The following FAF1 variants were observed in gnomAD, a reference collection of about 807,000 sequenced individuals.
FAF1 encodes FAS-associated factor 1.
In FAF1, 25 loss-of-function variants were observed where a neutral mutation model predicts 92.5. The ratio of observed to expected loss-of-function variants is 0.27; its 90% CI spans 0.20 to 0.38. The LOEUF (loss-of-function observed/expected upper bound fraction) is 0.38, where lower values mean the gene tolerates loss of function less well. Among genes scored for constraint, FAF1 ranks in the 10% least tolerant of loss-of-function variants. The pLI, the probability that FAF1 is intolerant of heterozygous loss-of-function variation, is 1.00. For synonymous variants in FAF1, 234 were observed against 273.2 expected (o/e 0.86, Z 1.42); for missense variants, 636 against 793.3 (o/e 0.80, Z 2.38).
intron 13 of FAF1, among the ~76,000 whole-genome samples, chr1:50,554,633 C>T (rs1649482799): frequency 6.6e-6 from 1 of 152,030 alleles, no homozygotes; most frequent in African/African-American, 2.4e-5. Flanking sequence ...CCACTAAAAT[C>T]ACTCTGATCA....
At chr1:50,954,244 A>G (rs1434895355) in intron 1 of FAF1, among the ~76,000 whole-genome samples, 1 of 152,206 alleles carries the variant, frequency 6.6e-6, no homozygotes, top group Non-Finnish European at 1.5e-5. Context: ...CTTTTCTAGC[A>G]AGGCAGATAA....
chr1:50,638,401 T>C (rs909080379), intron 8 of FAF1, among the ~76,000 whole-genome samples: 1 of 152,008 alleles, frequency 6.6e-6, no homozygotes, highest in South Asian at 2.1e-4. Flanking sequence ...GTGAAAGTAT[T>C]CCCCCATTAA....
chr1:50,513,499 A>C (rs1488613785), intron 15 of FAF1, among the ~76,000 whole-genome samples: 1 of 152,188 alleles, frequency 6.6e-6, no homozygotes, highest in East Asian at 1.9e-4. Context: ...TCAAAAAAAA[A>C]GAATTCCCTA....
intron 7 of FAF1, among the ~76,000 whole-genome samples, chr1:50,664,304 G>A (rs1655524384): frequency 1.3e-5 from 2 of 150,966 alleles, no homozygotes; most frequent in South Asian, 4.2e-4. Flanking sequence ...CCAATCTTTA[G>A]TTTTTCTGTC....
intron 13 of FAF1, among the ~76,000 whole-genome samples, chr1:50,544,200 A>C (rs900888100): frequency 2.6e-5 from 4 of 152,192 alleles, no homozygotes; most frequent in African/African-American, 9.6e-5. Context: ...GGGGATGCTC[A>C]AACCATAGCA....
intron 5 of FAF1, among the ~76,000 whole-genome samples, chr1:50,741,269 A>C (rs745428664): frequency 2.0e-5 from 3 of 152,258 alleles, no homozygotes; most frequent in Non-Finnish European, 4.4e-5. Context: ...AGGCAGTTGA[A>C]TAGCATCTGT....
intron 8 of FAF1, among the ~76,000 whole-genome samples, chr1:50,619,101 A>G (rs1476201660): frequency 6.6e-6 from 1 of 152,130 alleles, no homozygotes; most frequent in African/African-American, 2.4e-5. Context: ...ATCTTTCTCC[A>G]TCCCTTTACT....
chr1:50,872,665 G>A (rs1473061390), intron 1 of FAF1, among the ~76,000 whole-genome samples: 3 of 152,164 alleles, frequency 2.0e-5, no homozygotes, highest in Non-Finnish European at 4.4e-5. Flanking sequence ...GGGAGGCCGA[G>A]GCAGGCAGAA....
intron 7 of FAF1, among the ~76,000 whole-genome samples, chr1:50,678,979 C>A (rs866766552): frequency 9.2e-5 from 14 of 151,494 alleles, no homozygotes; most frequent in African/African-American, 3.4e-4. Flanking sequence ...CCCAGCTACT[C>A]GGGAGGCTGA....
At chr1:50,442,228 A>T (rs1350226788) in intron 18 of FAF1, among the ~76,000 whole-genome samples, 5 of 152,168 alleles carry the variant, frequency 3.3e-5, no homozygotes, top group Admixed American at 6.5e-5. Context: ...TGGGACATGA[A>T]GGTCTTCTGA....
At chr1:50,600,817 C>G (rs1652082313) in intron 8 of FAF1, among the ~76,000 whole-genome samples, 2 of 152,220 alleles carry the variant, frequency 1.3e-5, no homozygotes, top group South Asian at 4.1e-4. Context: ...TGTCACTTTA[C>G]TTACTGAATT....
At chr1:50,571,448 A>G (rs1032125787) in intron 12 of FAF1, among the ~76,000 whole-genome samples, 1 of 152,206 alleles carries the variant, frequency 6.6e-6, no homozygotes, top group Non-Finnish European at 1.5e-5. Context: ...TTAAGTACCT[A>G]TTTACAAGGC....
intron 8 of FAF1, among the ~76,000 whole-genome samples, chr1:50,650,436 A>G (rs1050720971): frequency 1.3e-5 from 2 of 151,986 alleles, no homozygotes; most frequent in African/African-American, 4.8e-5. Context: ...CCTGGCCAAC[A>G]CAGCGAAACC....
intron 2 of FAF1, among the ~76,000 whole-genome samples, chr1:50,832,520 T>C (rs1447664983): frequency 1.3e-5 from 2 of 152,236 alleles, no homozygotes; most frequent in Admixed American, 6.5e-5. Context: ...GTTTAACATA[T>C]ATGAGAGTTT....
At chr1:50,924,244 A>G (rs1293449947) in intron 1 of FAF1, among the ~76,000 whole-genome samples, 1 of 151,386 alleles carries the variant, frequency 6.6e-6, no homozygotes, top group Non-Finnish European at 1.5e-5. Context: ...AATAAACAAA[A>G]ATCGGCAGTA....
rs1047780989 is a variant in FAF1, at chr1:50,437,317, A to G, written c.*4123T>C. ...GGTGATTCTTAAAATTTTTTGATCAATAGGTCCCACTGAGAATCTGATGAA... is the reference window on the plus strand; with the variant it reads ...GGTGATTCTTAAAATTTTTTGATCAGTAGGTCCCACTGAGAATCTGATGAA... On this transcript the variant is annotated 3_prime_UTR_variant, in exon 19 of 19. Transcript: ENST00000396153. The G allele has an allele frequency of 5.9e-5, 9 of 152,196 alleles. No homozygotes were observed. Among genetic ancestry groups the G allele is most frequent in the Admixed American group, 5.2e-4 (8 of 15,276 alleles). 9.4% of individuals were successfully genotyped at this position (152,196 alleles called of 1,614,324 possible).
At chr1:50,788,347 C>T in intron 3 of FAF1, 142 bp from the exon 4 acceptor site, 3 of 660,338 alleles carry the variant, frequency 4.5e-6, no homozygotes, top group Non-Finnish European at 7.9e-6. Context: ...GACTTGAGTT[C>T]TACTTCCTCC....
intron 6 of FAF1, among the ~76,000 whole-genome samples, chr1:50,721,292 G>GCAACCTCCGCCTCCCAGGTTCAAGCA (rs1658401823): frequency 6.6e-6 from 1 of 151,932 alleles, no homozygotes; most frequent in Non-Finnish European, 1.5e-5. Flanking sequence ...TCTGCTCGCT[G>GCAACCTCCGCCTCCCAGGTTCAAGCA]CAACCTCCGC....
chr1:50,631,427 T>A (rs889884497), intron 8 of FAF1, among the ~76,000 whole-genome samples: 2 of 152,198 alleles, frequency 1.3e-5, no homozygotes, highest in African/African-American at 4.8e-5. Context: ...TTAGTAGACC[T>A]TATCAGATTT....
Sources: allele counts gnomAD v4.1 joint callset (sites outside exome capture counted in the v4.1 genomes callset), GRCh38; gene constraint gnomAD v4.1.1; transcripts MANE v1.5; gene names NCBI Gene and HGNC (gene_info 2026-07-23, HGNC 2026-07-21).